Variants in TMEM38A observed in about 807,000 individuals in gnomAD.
TMEM38A encodes the protein trimeric intracellular cation channel type A.
TMEM38A carries 17 observed loss-of-function variants against 28.6 expected under a neutral mutation model. The observed-to-expected ratio is 0.60, with a 90% confidence interval of 0.41 to 0.89. The LOEUF is 0.89. TMEM38A is among the 40% of genes least tolerant of loss of function. TMEM38A has a pLI of 0.00. For synonymous variants in TMEM38A, 169 were observed against 166.1 expected, an observed-to-expected ratio of 1.02 and a Z score of -0.14; for missense variants, 328 against 393.1, an observed-to-expected ratio of 0.83 and a Z score of 1.40.
chr19:16,680,999 C>G (rs2086779568), intron 3 of TMEM38A: 1 of 177,058 alleles, frequency 5.6e-6, no homozygotes, highest in African/African-American at 2.4e-5. Context: ...CCAGACATTG[C>G]TAAACGCCTC....
At chr19:16,671,592 A>G (rs1164880138) in intron 1 of TMEM38A, among the ~76,000 whole-genome samples, 1 of 151,948 alleles carries the variant, frequency 6.6e-6, no homozygotes, top group African/African-American at 2.4e-5. Flanking sequence ...TAGAGTGAGT[A>G]GCAGAGCCAG....
At position 16,679,984 on chromosome 19, in the gene TMEM38A, G is replaced by T. The variant is rs776546600; in HGVS notation, c.125G>T (p.Gly42Val). Reference protein sequence around the residue: ...VSILYLKYEPGAVELSRRHPI... With the variant: ...VSILYLKYEPVAVELSRRHPI... ...TGGGGGACACTCCTGTGCCTCCCAGGAGCAGTCGAACTGTCCCGGCGCCAC... is the reference window on the plus strand; with the variant it reads ...TGGGGGACACTCCTGTGCCTCCCAGTAGCAGTCGAACTGTCCCGGCGCCAC... Residue 42 changes from glycine to valine, a missense_variant and splice_region_variant, in exon 2 of 6, where the codon GGA (glycine) becomes GTA (valine). By Grantham distance (109) the Gly-to-Val change is moderately radical. Coordinates refer to ENST00000187762, the MANE Select transcript of TMEM38A (RefSeq NM_024074.4). 3.1e-6 allele frequency: 5 copies of T among 1,600,860 alleles called. No individual in the cohort carries two copies. The highest frequency in any genetic ancestry group is 4.2e-6 in the Non-Finnish European group (5 of 1,177,194).
At chr19:16,686,778 C>T (rs1428651942) in intron 5 of TMEM38A, among the ~76,000 whole-genome samples, 1 of 152,158 alleles carries the variant, frequency 6.6e-6, no homozygotes, top group Non-Finnish European at 1.5e-5. Context: ...GACATCACCC[C>T]ACCCAGGAGG....
intron 1 of TMEM38A, among the ~76,000 whole-genome samples, chr19:16,675,543 T>TC (rs1568314779): frequency 2.3e-5 from 3 of 132,770 alleles, no homozygotes; most frequent in African/African-American, 9.5e-5. Context: ...CTCTCTTGAC[T>TC]ATTTTTTTTT....
intron 5 of TMEM38A, among the ~76,000 whole-genome samples, chr19:16,687,438 T>C (rs1013052308): frequency 2.0e-5 from 3 of 152,208 alleles, no homozygotes; most frequent in Non-Finnish European, 4.4e-5. Flanking sequence ...TGAGAATTGC[T>C]TGAACCCAGG....
At position 16,685,050 on chromosome 19, in the gene TMEM38A, GTAAA is replaced by G. The variant is rs1033381515; in HGVS notation, c.555-1205_555-1202del. On this transcript the variant is annotated intron_variant, in intron 4 of 5. Coordinates refer to ENST00000187762, the MANE Select transcript of TMEM38A (RefSeq NM_024074.4). ...GGTGATAGAGAGAGACCCTGTCTCTGTAAATAAATAAATAAATAAATAAATAAAT... is the reference window on the plus strand; with the variant it reads ...GGTGATAGAGAGAGACCCTGTCTCTGTAAATAAATAAATAAATAAATAAAT... Among the ~76,000 whole-genome samples the G allele has an allele frequency of 1.4e-3, 205 of 149,344 alleles. 1 individual carries two copies. The highest frequency in any genetic ancestry group is 5.0e-3 in the African/African-American group (197 of 39,778).
chr19:16,670,834 G>T (rs1222450057), intron 1 of TMEM38A, among the ~76,000 whole-genome samples: 1 of 152,170 alleles, frequency 6.6e-6, no homozygotes, highest in Non-Finnish European at 1.5e-5. Flanking sequence ...AGGTACTCGG[G>T]AGGCTGAGGC....
intron 5 of TMEM38A, 37 bp downstream of exon 5, chr19:16,686,442 C>T: frequency 8.5e-6 from 13 of 1,532,408 alleles, no homozygotes; most frequent in East Asian, 2.3e-5. Context: ...CTTGCCTTGA[C>T]CAATGCCACC....
chr19:16,672,807 G>A lies in TMEM38A; in HGVS notation c.125-7177G>A, dbSNP rs564111210. 7.9e-5 allele frequency among the ~76,000 whole-genome samples: 12 copies of A among 152,192 alleles called. No homozygotes were observed. In the South Asian group the frequency reaches 2.1e-3, roughly 26 times the overall value. On this transcript the variant is annotated intron_variant, in intron 1 of 5. Coordinates refer to ENST00000187762, the MANE Select transcript of TMEM38A (RefSeq NM_024074.4). ...ACTCAGCAGTAAGCTTATGGGACTT[G>A]TCTTTGTTGATACATCTAAAACAGA...
intron 4 of TMEM38A, among the ~76,000 whole-genome samples, chr19:16,685,049 T>TATAA (rs202015834): frequency 0.041 from 5,558 of 136,494 alleles, 192 homozygotes; most frequent in South Asian, 0.085. Flanking sequence ...ACCCTGTCTC[T>TATAA]GTAAATAAAT....
intron 1 of TMEM38A, among the ~76,000 whole-genome samples, chr19:16,677,258 A>G (rs1405559852): frequency 1.3e-5 from 2 of 152,146 alleles, no homozygotes; most frequent in Non-Finnish European, 2.9e-5. Flanking sequence ...CTCCAATGAC[A>G]TCTTATGTAA....
At chr19:16,668,253 A>G (rs1257880484) in intron 1 of TMEM38A, among the ~76,000 whole-genome samples, 1 of 151,644 alleles carries the variant, frequency 6.6e-6, no homozygotes, top group East Asian at 1.9e-4. Context: ...TAAATAACTC[A>G]GAATCATGGG....
At position 16,669,938 on chromosome 19, in the gene TMEM38A, CTGTT is replaced by C. The variant is rs369230571; in HGVS notation, c.124+8603_124+8606del. Among the ~76,000 whole-genome samples, 715 of 151,898 alleles carry C rather than the reference CTGTT, an allele frequency of 4.7e-3. 5 individuals carry two copies. The highest frequency in any genetic ancestry group is 0.016 in the African/African-American group (665 of 41,470). The stretch of plus-strand genomic sequence containing the variant: ...CTTCTGAGGCAGAGCTGATTTTTTT[CTGTT>C]TGTTTATTTATTTATTTATTTTTAT... On this transcript the variant is annotated intron_variant, in intron 1 of 5. Transcript: ENST00000187762.
intron 1 of TMEM38A, among the ~76,000 whole-genome samples, chr19:16,677,644 C>T (rs2086757936): frequency 6.6e-6 from 1 of 151,772 alleles, no homozygotes. Flanking sequence ...GCAGCCTCCA[C>T]CTCACCAGCT....
At position 16,688,178 on chromosome 19, in the gene TMEM38A, C is replaced by G. The variant is rs762493639; in HGVS notation, c.707C>G (p.Pro236Arg). The change falls in exon 6 of 6, where the codon CCC becomes CGC. Residue 236 changes from proline to arginine, a missense_variant. Pro to Arg is a moderately radical substitution (Grantham distance 103). Coordinates refer to ENST00000187762, the MANE Select transcript of TMEM38A (RefSeq NM_024074.4). Reference protein sequence around the residue: ...FLTATHSHSSPFDALEGYICP... With the variant: ...FLTATHSHSSRFDALEGYICP... The stretch of plus-strand genomic sequence containing the variant: ...ACAGCCACCCACTCACACAGCTCCC[C>G]CTTTGATGCCCTGGAGGGCTACATC... The G allele has an allele frequency of 1.0e-4, 149 of 1,471,976 alleles. No individual in the cohort carries two copies. The highest frequency in any genetic ancestry group is 1.3e-4 in the Non-Finnish European group (144 of 1,103,380). The allele number at this position is 1,471,976 out of a possible 1,614,324, so 91.2% of individuals were successfully genotyped here. A position where few individuals can be genotyped will look rare whatever the true frequency, so the allele number is the denominator to read the frequency against.
At chr19:16,669,642 A>G (rs982166941) in intron 1 of TMEM38A, among the ~76,000 whole-genome samples, 1 of 152,132 alleles carries the variant, frequency 6.6e-6, no homozygotes, top group African/African-American at 2.4e-5. Flanking sequence ...TGTGAGGGAG[A>G]GGCTGCTATC....
At chr19:16,685,656 T>G (rs2086798676) in intron 4 of TMEM38A, among the ~76,000 whole-genome samples, 1 of 152,208 alleles carries the variant, frequency 6.6e-6, no homozygotes, top group African/African-American at 2.4e-5. Flanking sequence ...GTCCACCTGA[T>G]GCTGCATGGC....
chr19:16,674,686 C>T (rs1323731209), intron 1 of TMEM38A, among the ~76,000 whole-genome samples: 2 of 151,972 alleles, frequency 1.3e-5, no homozygotes, highest in Non-Finnish European at 2.9e-5. Context: ...GTAATCCTAG[C>T]TAGTCGGGAG....
At chr19:16,676,070 TCA>T (rs2122587794) in intron 1 of TMEM38A, among the ~76,000 whole-genome samples, 1 of 152,202 alleles carries the variant, frequency 6.6e-6, no homozygotes, top group South Asian at 2.1e-4. Flanking sequence ...TAATAAGAGA[TCA>T]CATTTTGGCC....
Sources: allele counts gnomAD v4.1 joint callset (sites outside exome capture counted in the v4.1 genomes callset), GRCh38; gene constraint gnomAD v4.1.1; transcripts MANE v1.5; gene names NCBI Gene and HGNC (gene_info 2026-07-23, HGNC 2026-07-21).